Variants in RHOA observed in about 807,000 individuals in gnomAD.
RHOA encodes transforming protein RhoA.
A neutral mutation model predicts 17.5 loss-of-function variants in RHOA; 3 were observed. The observed-to-expected ratio is 0.17, with a 90% CI of 0.08 to 0.44. The LOEUF is 0.44. Ranked by LOEUF, RHOA falls within the 20% of genes least tolerant of loss-of-function variation. The pLI is 0.99. For synonymous variants in RHOA, 98 were observed against 88.4 expected (o/e 1.11, Z -0.61); for missense variants, 56 against 242.3 (o/e 0.23, Z 5.10).
intron 1 of RHOA, among the ~76,000 whole-genome samples, chr3:49,405,536 C>G (rs1451540370): frequency 1.3e-5 from 2 of 152,180 alleles, no homozygotes; most frequent in African/African-American, 4.8e-5. Context: ...TTACCATTCC[C>G]TTTCTACAGA....
At chr3:49,394,283 C>T (rs1427615620) in intron 1 of RHOA, among the ~76,000 whole-genome samples, 1 of 152,074 alleles carries the variant, frequency 6.6e-6, no homozygotes, top group Non-Finnish European at 1.5e-5. Context: ...GGATTACAGG[C>T]GTGAGCCACT....
chr3:49,379,452 T>C (rs2048283632), intron 1 of RHOA, among the ~76,000 whole-genome samples: 2 of 152,158 alleles, frequency 1.3e-5, no homozygotes, highest in Admixed American at 6.6e-5. Flanking sequence ...AAAATTATTG[T>C]GGTGATGGCT....
chr3:49,375,777 C>T (rs960957845), intron 1 of RHOA, among the ~76,000 whole-genome samples, 186 bp from the exon 2 acceptor site: 1 of 152,102 alleles, frequency 6.6e-6, no homozygotes, highest in Admixed American at 6.6e-5. Context: ...TAACATTATA[C>T]TTAATGGTAA....
At chr3:49,408,446 T>C (rs542961803) in intron 1 of RHOA, among the ~76,000 whole-genome samples, 1 of 152,334 alleles carries the variant, frequency 6.6e-6, no homozygotes, top group Non-Finnish European at 1.5e-5. Context: ...AAAATGTATT[T>C]GGATGAAGCA....
At chr3:49,402,992 G>C (rs1282902492) in intron 1 of RHOA, among the ~76,000 whole-genome samples, 1 of 150,306 alleles carries the variant, frequency 6.7e-6, no homozygotes, top group Non-Finnish European at 1.5e-5. Flanking sequence ...AGTTGAGATC[G>C]TGCCACTGCA....
chr3:49,377,933 G>C (rs778233443), intron 1 of RHOA, among the ~76,000 whole-genome samples: 5 of 151,906 alleles, frequency 3.3e-5, no homozygotes, highest in African/African-American at 4.8e-5. Context: ...CAGAACACTT[G>C]AGGTCAGGAG....
intron 1 of RHOA, among the ~76,000 whole-genome samples, chr3:49,383,033 G>C (rs1575660507): frequency 6.8e-6 from 1 of 146,648 alleles, no homozygotes; most frequent in African/African-American, 2.5e-5. Flanking sequence ...CAGCCTGGGC[G>C]ACAAGAGCAA....
intron 1 of RHOA, among the ~76,000 whole-genome samples, chr3:49,393,723 T>A (rs868129767): frequency 1.0e-4 from 10 of 99,620 alleles, no homozygotes; most frequent in East Asian, 7.8e-4. Flanking sequence ...TGTGTGTGTG[T>A]GTGTGTGACA....
At chr3:49,397,960 T>C (rs2048646273) in intron 1 of RHOA, among the ~76,000 whole-genome samples, 1 of 152,184 alleles carries the variant, frequency 6.6e-6, no homozygotes, top group South Asian at 2.1e-4. Flanking sequence ...TGCTAGGCAG[T>C]GCTAAAAGCA....
chr3:49,360,772 A>G (rs2047953360), intron 4 of RHOA, among the ~76,000 whole-genome samples: 1 of 151,596 alleles, frequency 6.6e-6, no homozygotes, highest in Admixed American at 6.6e-5. Flanking sequence ...AAAAAAAAAG[A>G]CTTTCAAAAG....
chr3:49,360,425 C>T (rs2047945262), intron 4 of RHOA, 43 bp from the exon 5 acceptor site: 2 of 1,558,530 alleles, frequency 1.3e-6, no homozygotes, highest in Non-Finnish European at 1.7e-6. Flanking sequence ...AATAGTGTGG[C>T]ATACATATAG....
At chr3:49,368,724 T>C (rs2107839379) in intron 2 of RHOA, among the ~76,000 whole-genome samples, 176 bp from the exon 3 acceptor site, 1 of 149,108 alleles carries the variant, frequency 6.7e-6, no homozygotes, top group South Asian at 2.1e-4. Context: ...TTTTTTTTTT[T>C]TGAGATGTAG....
chr3:49,382,831 G>A lies in RHOA; in HGVS notation c.-2-7240C>T, dbSNP rs569558805. ...ATCCCAGTACTTTGAGAGGTGGGTG[G>A]ATCACCTGAGGTCAGGAGTTCGAGA... On this transcript the variant is annotated intron_variant, in intron 1 of 4. Transcript: ENST00000418115. Among the ~76,000 whole-genome samples, 9 of 152,100 alleles carry A rather than the reference G, an allele frequency of 5.9e-5. No individual in the cohort carries two copies. The South Asian group carries it at 1.0e-3, about 17-fold the overall frequency.
chr3:49,389,652 G>T (rs1468894754), intron 1 of RHOA, among the ~76,000 whole-genome samples: 1 of 151,680 alleles, frequency 6.6e-6, no homozygotes, highest in Non-Finnish European at 1.5e-5. Context: ...ATAAATAAAA[G>T]TTACAGAAGC....
chr3:49,394,072 G>A (rs556726729), intron 1 of RHOA, among the ~76,000 whole-genome samples: 3 of 151,924 alleles, frequency 2.0e-5, no homozygotes, highest in Non-Finnish European at 2.9e-5. Context: ...GGGTTTCACC[G>A]TGTTAGCCAG....
chr3:49,400,880 C>A (rs2048711663), intron 1 of RHOA, among the ~76,000 whole-genome samples: 1 of 151,354 alleles, frequency 6.6e-6, no homozygotes, highest in African/African-American at 2.4e-5. Context: ...CCCGTCTCTA[C>A]TAAAAATACA....
At chr3:49,388,288 G>A (rs1056472325) in intron 1 of RHOA, among the ~76,000 whole-genome samples, 1 of 152,088 alleles carries the variant, frequency 6.6e-6, no homozygotes, top group Non-Finnish European at 1.5e-5. Flanking sequence ...TGACCCACCC[G>A]CCTCTGTCTT....
chr3:49,360,864 A>G, intron 4 of RHOA: 1 of 261,634 alleles, frequency 3.8e-6, no homozygotes, highest in Non-Finnish European at 7.8e-6. Context: ...TCACGAGTTT[A>G]GGAGATCAAG....
At chr3:49,370,221 T>C (rs1166245135) in intron 2 of RHOA, among the ~76,000 whole-genome samples, 1 of 152,166 alleles carries the variant, frequency 6.6e-6, no homozygotes. Flanking sequence ...CACTGCAGCC[T>C]AGGCAGTGAG....
Sources: allele counts gnomAD v4.1 joint callset (sites outside exome capture counted in the v4.1 genomes callset), GRCh38; gene constraint gnomAD v4.1.1; transcripts MANE v1.5; gene names NCBI Gene and HGNC (gene_info 2026-07-23, HGNC 2026-07-21).